The following CTIF variants were observed in gnomAD, a reference collection of about 807,000 sequenced individuals.
CTIF encodes CBP80/20-dependent translation initiation factor.
A neutral mutation model predicts 66.0 loss-of-function variants in CTIF; 21 were observed. The observed-to-expected ratio is 0.32, with a 90% CI of 0.23 to 0.46. The LOEUF (loss-of-function observed/expected upper bound fraction) is 0.46. CTIF is among the 20% of genes least tolerant of loss of function. The pLI is 1.00. For synonymous variants in CTIF, 345 were observed against 326.4 expected (o/e 1.06, Z -0.62); for missense variants, 739 against 812.7 (o/e 0.91, Z 1.10).
chr18:48,580,278 G>T (rs1487736112), intron 1 of CTIF, among the ~76,000 whole-genome samples: 2 of 151,620 alleles, frequency 1.3e-5, no homozygotes, highest in African/African-American at 2.4e-5. Context: ...TAGTGAGTGG[G>T]TCCCCTCAGG....
At chr18:48,544,985 C>T (rs992937921) in intron 1 of CTIF, among the ~76,000 whole-genome samples, 1 of 152,176 alleles carries the variant, frequency 6.6e-6, no homozygotes, top group African/African-American at 2.4e-5. Flanking sequence ...GCCCTTACAG[C>T]GGCACAGACA....
chr18:48,556,146 C>T (rs759465068), intron 1 of CTIF, among the ~76,000 whole-genome samples: 1 of 152,122 alleles, frequency 6.6e-6, no homozygotes, highest in African/African-American at 2.4e-5. Context: ...TCGATCTGAT[C>T]GTGAAGGGTG....
intron 9 of CTIF, among the ~76,000 whole-genome samples, chr18:48,794,894 T>A (rs566402102): frequency 5.3e-5 from 8 of 151,942 alleles, no homozygotes; most frequent in African/African-American, 1.9e-4. Flanking sequence ...GAGGGATGTG[T>A]GTGTGGATGC....
In CTIF at chr18:48,727,950, A is replaced by AT. The variant is rs999924126; in HGVS notation, c.584+16264dup. 7.9e-5 allele frequency among the ~76,000 whole-genome samples: 12 copies of AT among 151,812 alleles called. No homozygotes were observed. In the South Asian group the frequency reaches 8.3e-4, roughly 11 times the overall value. On this transcript the variant is annotated intron_variant, in intron 7 of 11. Coordinates refer to ENST00000256413, the MANE Select transcript of CTIF (RefSeq NM_014772.3). ...ACTCTTCAAAACTAGCAAGTCCTGG[A>AT]TTTTTTTTTATTGTGACAGCCCTTC...
At chr18:48,700,865 T>C (rs2145379731) in intron 6 of CTIF, among the ~76,000 whole-genome samples, 1 of 152,354 alleles carries the variant, frequency 6.6e-6, no homozygotes, top group Admixed American at 6.5e-5. Flanking sequence ...GCACACAGCA[T>C]GCTCACAGGG....
intron 9 of CTIF, among the ~76,000 whole-genome samples, chr18:48,798,009 C>G (rs2067966960): frequency 2.0e-5 from 3 of 152,170 alleles, no homozygotes; most frequent in African/African-American, 7.2e-5. Flanking sequence ...TCTCTTATCA[C>G]CTGGGTAGCA....
At chr18:48,570,412 T>A (rs932199644) in intron 1 of CTIF, among the ~76,000 whole-genome samples, 4 of 152,228 alleles carry the variant, frequency 2.6e-5, no homozygotes, top group African/African-American at 9.6e-5. Flanking sequence ...TGCCAGGAAC[T>A]GTGCTATATA....
At chr18:48,603,499 GTGGATGGATGGATGGA>G (rs1158667685) in intron 1 of CTIF, among the ~76,000 whole-genome samples, 1 of 112,936 alleles carries the variant, frequency 8.9e-6, no homozygotes, top group African/African-American at 3.6e-5. Flanking sequence ...GGGTGGGTGG[GTGGATGGATGGATGGA>G]TGGATGGATG....
intron 10 of CTIF, among the ~76,000 whole-genome samples, chr18:48,830,882 G>T (rs549923498): frequency 1.3e-5 from 2 of 152,202 alleles, no homozygotes; most frequent in Admixed American, 1.3e-4. Context: ...CTCTCTCAAG[G>T]CAGGGAACGT....
intron 3 of CTIF, among the ~76,000 whole-genome samples, chr18:48,652,030 G>C (rs1014116087): frequency 6.6e-6 from 1 of 152,104 alleles, no homozygotes; most frequent in African/African-American, 2.4e-5. Context: ...ATCTAAAATT[G>C]ACAAAGATCT....
chr18:48,551,955 G>A (rs748582684), intron 1 of CTIF, among the ~76,000 whole-genome samples: 95 of 152,082 alleles, frequency 6.2e-4, no homozygotes, highest in Admixed American at 1.2e-3. Context: ...CCGCCACCAC[G>A]CCCAGCTAAT....
intron 7 of CTIF, among the ~76,000 whole-genome samples, chr18:48,722,967 G>A (rs2092354458): frequency 6.6e-6 from 1 of 152,242 alleles, no homozygotes; most frequent in Non-Finnish European, 1.5e-5. Context: ...CACTTCCAGA[G>A]CACTCACTGT....
intron 7 of CTIF, among the ~76,000 whole-genome samples, chr18:48,747,881 C>T (rs1189191451): frequency 2.0e-5 from 3 of 151,686 alleles, no homozygotes; most frequent in South Asian, 2.1e-4. Context: ...CATGCCACTG[C>T]ACTCCAGCCT....
chr18:48,734,412 A>G (rs1464292320), intron 7 of CTIF, among the ~76,000 whole-genome samples: 1 of 152,156 alleles, frequency 6.6e-6, no homozygotes, highest in Non-Finnish European at 1.5e-5. Flanking sequence ...CTAAAAATAC[A>G]AAAATTAGCC....
intron 1 of CTIF, among the ~76,000 whole-genome samples, chr18:48,614,647 T>C (rs1197812495): frequency 6.6e-6 from 1 of 152,210 alleles, no homozygotes; most frequent in East Asian, 1.9e-4. Context: ...ATTCCTCTTA[T>C]AGGAGGTACC....
chr18:48,807,646 T>G (rs2068177524), intron 9 of CTIF, among the ~76,000 whole-genome samples: 1 of 149,064 alleles, frequency 6.7e-6, no homozygotes, highest in Non-Finnish European at 1.5e-5. Context: ...AGTGGCGCAA[T>G]CTCGGCTCAC....
chr18:48,658,764 T>G (rs941396215), intron 3 of CTIF, among the ~76,000 whole-genome samples: 1 of 152,188 alleles, frequency 6.6e-6, no homozygotes, highest in Non-Finnish European at 1.5e-5. Context: ...TGTACATGTA[T>G]GCATATGTGG....
intron 1 of CTIF, among the ~76,000 whole-genome samples, chr18:48,573,569 T>G (rs2089467625): frequency 1.3e-5 from 2 of 152,248 alleles, no homozygotes; most frequent in African/African-American, 4.8e-5. Context: ...AATATTTTCT[T>G]TCTATGACCC....
rs3809920 is a variant in CTIF at position 48,862,482 on chromosome 18, C to T, written c.*2923C>T. On this transcript the variant is annotated 3_prime_UTR_variant, in exon 12 of 12. Transcript: ENST00000256413. The stretch of plus-strand genomic sequence containing the variant: ...TCTGGGACCGCAGCCCCAGCGAGGC[C>T]CCCAACCTCACCCAGACGAGGCCAG... 51,798 of 152,386 alleles carry T rather than the reference C, an allele frequency of 0.34. 10,411 individuals carry two copies. Among genetic ancestry groups the T allele is most frequent in the African/African-American group, 0.56 (23,152 of 41,388 alleles). The allele number at this position is 152,386 out of a possible 1,614,324, so 9.4% of individuals were successfully genotyped here.
Sources: allele counts gnomAD v4.1 joint callset (sites outside exome capture counted in the v4.1 genomes callset), GRCh38; gene constraint gnomAD v4.1.1; transcripts MANE v1.5; gene names NCBI Gene and HGNC (gene_info 2026-07-23, HGNC 2026-07-21).